Variants in SMS observed in about 807,000 individuals in gnomAD.
SMS encodes the protein spermidine aminopropyltransferase.
SMS carries 3 observed loss-of-function variants against 33.0 expected under a neutral mutation model. The ratio of observed to expected loss-of-function variants is 0.09; its 90% CI spans 0.04 to 0.23. SMS has a LOEUF of 0.23. SMS is among the 10% of genes least tolerant of loss of function. The pLI, the probability that SMS is intolerant of heterozygous loss-of-function variation, is 1.00. For synonymous variants in SMS, 103 were observed against 112.2 expected, an observed-to-expected ratio of 0.92 and a Z score of 0.52; for missense variants, 117 against 288.6, an observed-to-expected ratio of 0.41 and a Z score of 4.31.
intron 4 of SMS, among the ~76,000 whole-genome samples, chrX:21,976,737 T>G (rs1285357553): frequency 5.4e-5 from 6 of 111,790 alleles, no homozygotes; most frequent in Non-Finnish European, 9.4e-5. Context: ...GTAATGTCCA[T>G]GTAGTTATGT....
chrX:21,944,544 A>AAAAAAAAAAAAAAAGAAAAGAAAAG (rs1555992699), intron 1 of SMS, among the ~76,000 whole-genome samples: 1 of 99,045 alleles, frequency 1.0e-5, no homozygotes, highest in African/African-American at 3.8e-5. Flanking sequence ...AAAAAAAAAA[A>AAAAAAAAAAAAAAAGAAAAGAAAAG]AGAAAAAAAA....
chrX:21,946,936 A>C (rs773182346), intron 1 of SMS, among the ~76,000 whole-genome samples: 4 of 111,394 alleles, frequency 3.6e-5, no homozygotes, highest in South Asian at 7.6e-4. Flanking sequence ...TAAGGTTGGC[A>C]CTGGGCTCTG....
chrX:21,984,907 T>C (rs1925222179), intron 8 of SMS, among the ~76,000 whole-genome samples: 1 of 111,857 alleles, frequency 8.9e-6, no homozygotes, highest in Non-Finnish European at 1.9e-5. Flanking sequence ...TTTCAGCCAC[T>C]GCCTTTGTGT....
intron 7 of SMS, among the ~76,000 whole-genome samples, chrX:21,980,429 A>AATATATATAT (rs1187267102): frequency 3.3e-4 from 21 of 63,041 alleles, no homozygotes; most frequent in South Asian, 1.5e-3. Context: ...AAAAAAAAAA[A>AATATATATAT]ATATATATAT....
chrX:21,956,578 T>C (rs1294434324), intron 1 of SMS, among the ~76,000 whole-genome samples: 1 of 112,035 alleles, frequency 8.9e-6, no homozygotes, highest in East Asian at 2.8e-4. Flanking sequence ...CAAGTGATTC[T>C]CCTGCCTCAG....
At chrX:21,944,522 C>CAAAAAA (rs777680386) in intron 1 of SMS, among the ~76,000 whole-genome samples, 3,431 of 34,590 alleles carry the variant, frequency 0.099, 276 homozygotes, top group East Asian at 0.15. Context: ...CCTGTCTCTA[C>CAAAAAA]AAAAAAAAAA....
intron 8 of SMS, among the ~76,000 whole-genome samples, chrX:21,984,761 A>G (rs1186086673): frequency 1.8e-5 from 2 of 112,148 alleles, no homozygotes; most frequent in Non-Finnish European, 3.8e-5. Context: ...CCCTTTCTCA[A>G]ACCAGATGTT....
chrX:21,961,351 G>A (rs1923335406), intron 1 of SMS, among the ~76,000 whole-genome samples: 1 of 110,525 alleles, frequency 9.0e-6, no homozygotes, highest in Non-Finnish European at 1.9e-5. Flanking sequence ...CCTGTTATGG[G>A]GAATGTTAAG....
intron 9 of SMS, among the ~76,000 whole-genome samples, chrX:21,990,169 T>C (rs951022190): frequency 2.7e-5 from 3 of 112,430 alleles, no homozygotes; most frequent in African/African-American, 6.5e-5. Context: ...GCACGGTGGC[T>C]TATGCCTGTA....
chrX:21,976,919 AC>A (rs756023375), intron 4 of SMS, 141 bp from the exon 5 acceptor site: 1 of 570,353 alleles, frequency 1.8e-6, no homozygotes, highest in African/African-American at 2.3e-5. Flanking sequence ...ATTATATAAA[AC>A]TAAAAGCCCA....
chrX:21,986,779 T>G (rs961908481), intron 9 of SMS, among the ~76,000 whole-genome samples: 12 of 112,034 alleles, frequency 1.1e-4, no homozygotes, highest in African/African-American at 1.6e-4. Flanking sequence ...TTGTAAAGTT[T>G]TCTTGGCATG....
At position 21,960,964 on chromosome X, in the gene SMS, G is replaced by T. The variant is rs1275725165; in HGVS notation, c.50-6232G>T. ...TATTTCCTTAGGGCAGCCTCTAATG[G>T]AATTTAGTTTGTTGAGGAGGATGTT... is the stretch of plus-strand genomic sequence containing the variant. On this transcript the variant is annotated intron_variant, in intron 1 of 10. Transcript: ENST00000404933. Among the ~76,000 whole-genome samples the T allele has an allele frequency of 3.6e-5, 4 of 109,646 alleles. No individual in the cohort carries two copies. In the East Asian group the frequency reaches 1.1e-3, roughly 31 times the overall value.
intron 1 of SMS, among the ~76,000 whole-genome samples, chrX:21,962,172 T>G (rs925917805): frequency 1.8e-5 from 2 of 111,759 alleles, no homozygotes; most frequent in Non-Finnish European, 3.8e-5. Context: ...TGACATTTAG[T>G]GGGTATGGCT....
At chrX:21,985,083 T>G in intron 8 of SMS, 61 bp from the exon 9 acceptor site, 1 of 724,976 alleles carries the variant, frequency 1.4e-6, no homozygotes, top group Non-Finnish European at 2.2e-6. Context: ...AATATTTTAC[T>G]TCAGATGTTG....
At chrX:21,948,439 CTTTTTTT>C (rs59082770) in intron 1 of SMS, among the ~76,000 whole-genome samples, 1 of 80,205 alleles carries the variant, frequency 1.2e-5, no homozygotes, top group African/African-American at 5.3e-5. Flanking sequence ...GTCAATGTGT[CTTTTTTT>C]TTTTTTTTTT....
At chrX:21,941,000 C>T (rs1921716777) in intron 1 of SMS, 127 bp downstream of exon 1, 1 of 195,431 alleles carries the variant, frequency 5.1e-6, no homozygotes. Context: ...CGGCGCCGCA[C>T]TCTCCCGGAC....
At chrX:21,961,382 G>C (rs1157930347) in intron 1 of SMS, among the ~76,000 whole-genome samples, 1 of 110,506 alleles carries the variant, frequency 9.0e-6, no homozygotes, top group Non-Finnish European at 1.9e-5. Flanking sequence ...TGTAACCATC[G>C]ATGAGAGTAG....
At chrX:21,982,686 T>C (rs1252122429) in intron 7 of SMS, among the ~76,000 whole-genome samples, 2 of 112,729 alleles carry the variant, frequency 1.8e-5, no homozygotes, top group Admixed American at 9.4e-5. Context: ...ATGTGTGTTA[T>C]TACCTGGAGA....
Position 21,978,077 on chromosome X carries a change from T to C in SMS, c.623T>C (p.Ile208Thr), listed in dbSNP as rs760845233. The stretch of plus-strand genomic sequence containing the variant: ...GGAGACGGAGGCATATTGTGTGAAA[T>C]AGTCAAACTAAAACCAAAGATGGTC... Reference protein sequence around the residue: ...GGGDGGILCEIVKLKPKMVTM... With the variant: ...GGGDGGILCETVKLKPKMVTM... Residue 208 changes from isoleucine to threonine, a missense_variant, in exon 6 of 11, where the codon ATA (isoleucine) becomes ACA (threonine). Coordinates refer to ENST00000404933, the MANE Select transcript of SMS (RefSeq NM_004595.5). 1.2e-5 allele frequency: 15 copies of C among 1,208,159 alleles called. No individual in the cohort carries two copies. The highest frequency in any genetic ancestry group is 2.3e-4 in the Middle Eastern group (1 of 4,367).
Sources: gnomAD v4.1 joint callset for allele counts (sites outside exome capture counted in the v4.1 genomes callset) on GRCh38, gnomAD v4.1.1 for gene constraint, MANE v1.5 for transcripts, NCBI Gene and HGNC (gene_info 2026-07-23, HGNC 2026-07-21) for gene names.